The following NTNG1 variants were observed in gnomAD, a reference collection of about 807,000 sequenced individuals.
The protein encoded by NTNG1 is netrin-G1.
NTNG1 carries 16 observed loss-of-function variants against 54.0 expected under a neutral mutation model. That is an observed-to-expected ratio of 0.30 (90% CI 0.20 to 0.45). The LOEUF (loss-of-function observed/expected upper bound fraction) is 0.45, where lower values mean the gene tolerates loss of function less well. NTNG1 is among the 20% of genes least tolerant of loss of function. NTNG1 has a pLI of 1.00. For synonymous variants in NTNG1, 255 were observed against 263.1 expected, an observed-to-expected ratio of 0.97 and a Z score of 0.30; for missense variants, 530 against 678.7, an observed-to-expected ratio of 0.78 and a Z score of 2.43.
chr1:107,267,908 G>A (rs1663857951), intron 2 of NTNG1, among the ~76,000 whole-genome samples: 1 of 152,106 alleles, frequency 6.6e-6, no homozygotes, highest in Non-Finnish European at 1.5e-5. Flanking sequence ...CAAATTCTCA[G>A]CACACACCAG....
chr1:107,338,719 A>G lies in NTNG1; in HGVS notation c.887+13797A>G, dbSNP rs145153403. On this transcript the variant is annotated intron_variant, in intron 3 of 7. Transcript: ENST00000370068. ...GCTGACTCTCCGGTTCACAACAACT[A>G]CAAACTCTGAACTAAATATCAAAAC... 6.2e-3 allele frequency among the ~76,000 whole-genome samples: 946 copies of G among 152,066 alleles called. 10 individuals carry two copies. The highest frequency in any genetic ancestry group is 0.019 in the African/African-American group (771 of 41,514).
intron 2 of NTNG1, among the ~76,000 whole-genome samples, chr1:107,203,950 T>G (rs1000966281): frequency 1.1e-4 from 16 of 152,052 alleles, no homozygotes; most frequent in Non-Finnish European, 2.9e-5. Context: ...ACTAACTTTA[T>G]TTTAAAAAAT....
At chr1:107,308,938 CTGT>C (rs754296686) in intron 2 of NTNG1, among the ~76,000 whole-genome samples, 6 of 152,158 alleles carry the variant, frequency 3.9e-5, no homozygotes, top group Non-Finnish European at 8.8e-5. Context: ...CTTTGCTTGA[CTGT>C]TGTTGGCTTA....
intron 4 of NTNG1, among the ~76,000 whole-genome samples, chr1:107,405,699 G>A (rs1381571467): frequency 6.6e-6 from 1 of 152,098 alleles, no homozygotes; most frequent in African/African-American, 2.4e-5. Context: ...GTAAAGACAT[G>A]AAAAGTCTCT....
At chr1:107,415,520 G>C (rs1674138416) in intron 5 of NTNG1, among the ~76,000 whole-genome samples, 1 of 152,078 alleles carries the variant, frequency 6.6e-6, no homozygotes, top group Non-Finnish European at 1.5e-5. Flanking sequence ...GTAAAATCCG[G>C]AGAAATTAAC....
chr1:107,298,019 C>A (rs1047203650), intron 2 of NTNG1, among the ~76,000 whole-genome samples: 1 of 152,000 alleles, frequency 6.6e-6, no homozygotes, highest in Non-Finnish European at 1.5e-5. Context: ...CAGCCATACC[C>A]AGAATACTGA....
chr1:107,279,923 C>T (rs1664719951), intron 2 of NTNG1, among the ~76,000 whole-genome samples: 1 of 152,004 alleles, frequency 6.6e-6, no homozygotes, highest in African/African-American at 2.4e-5. Flanking sequence ...GCAGTCCTAC[C>T]TGTAGCTGGG....
chr1:107,211,946 GC>G (rs1350232986), intron 2 of NTNG1, among the ~76,000 whole-genome samples: 1 of 152,162 alleles, frequency 6.6e-6, no homozygotes, highest in East Asian at 1.9e-4. Flanking sequence ...GAAAAATGCA[GC>G]CCAGCGGTGA....
At chr1:107,247,970 T>C (rs1237540549) in intron 2 of NTNG1, among the ~76,000 whole-genome samples, 1 of 152,190 alleles carries the variant, frequency 6.6e-6, no homozygotes, top group Non-Finnish European at 1.5e-5. Flanking sequence ...TGTTCCTTCA[T>C]TTAGATAGTT....
intron 2 of NTNG1, among the ~76,000 whole-genome samples, chr1:107,194,320 C>T (rs1463211809): frequency 6.6e-6 from 1 of 152,016 alleles, no homozygotes; most frequent in Non-Finnish European, 1.5e-5. Flanking sequence ...TTCCCTATGG[C>T]ATTCACAGCA....
intron 2 of NTNG1, among the ~76,000 whole-genome samples, chr1:107,227,975 T>A (rs1378359613): frequency 1.3e-5 from 2 of 152,170 alleles, no homozygotes; most frequent in East Asian, 3.9e-4. Flanking sequence ...ATGAAAACAT[T>A]CACTTTAGCA....
At chr1:107,235,928 C>G (rs569271788) in intron 2 of NTNG1, among the ~76,000 whole-genome samples, 1 of 152,250 alleles carries the variant, frequency 6.6e-6, no homozygotes, top group South Asian at 2.1e-4. Flanking sequence ...ATGCTCCCCT[C>G]TCTCACACTC....
intron 2 of NTNG1, among the ~76,000 whole-genome samples, chr1:107,298,961 G>C (rs1666152383): frequency 6.6e-6 from 1 of 152,228 alleles, no homozygotes; most frequent in South Asian, 2.1e-4. Context: ...AAAGCACTTT[G>C]TGAAGAATGT....
At chr1:107,344,242 C>T (rs1368139028) in intron 3 of NTNG1, among the ~76,000 whole-genome samples, 1 of 152,086 alleles carries the variant, frequency 6.6e-6, no homozygotes, top group African/African-American at 2.4e-5. Flanking sequence ...AATTTATTTT[C>T]CCACTTAATT....
intron 7 of NTNG1, among the ~76,000 whole-genome samples, chr1:107,462,533 CTAT>C (rs1403290304): frequency 6.6e-6 from 1 of 152,180 alleles, no homozygotes; most frequent in Non-Finnish European, 1.5e-5. Flanking sequence ...GCTTTTGTTA[CTAT>C]TATTATCCTG....
At chr1:107,386,098 T>C (rs1671955743) in intron 3 of NTNG1, among the ~76,000 whole-genome samples, 1 of 146,970 alleles carries the variant, frequency 6.8e-6, no homozygotes, top group Non-Finnish European at 1.5e-5. Flanking sequence ...TATGTATGTA[T>C]ATATATATAC....
chr1:107,387,508 A>G (rs1254193003), intron 3 of NTNG1, among the ~76,000 whole-genome samples: 3 of 152,230 alleles, frequency 2.0e-5, no homozygotes, highest in African/African-American at 7.2e-5. Context: ...ATTTCTAACA[A>G]GCCCTCTGCT....
intron 4 of NTNG1, among the ~76,000 whole-genome samples, chr1:107,400,869 C>T (rs923559858): frequency 5.3e-5 from 8 of 152,122 alleles, no homozygotes; most frequent in Middle Eastern, 3.2e-3. Flanking sequence ...AGGCTGCTCT[C>T]GAACTTCTGA....
At chr1:107,404,857 C>G (rs932197746) in intron 4 of NTNG1, among the ~76,000 whole-genome samples, 3 of 152,114 alleles carry the variant, frequency 2.0e-5, no homozygotes, top group Non-Finnish European at 2.9e-5. Flanking sequence ...ATATTCTTTA[C>G]ATGGTAGTTG....
Sources: gnomAD v4.1 joint callset for allele counts (sites outside exome capture counted in the v4.1 genomes callset) on GRCh38, gnomAD v4.1.1 for gene constraint, MANE v1.5 for transcripts, NCBI Gene and HGNC (gene_info 2026-07-23, HGNC 2026-07-21) for gene names.